The following SFXN5 variants were observed in gnomAD, a reference collection of about 807,000 sequenced individuals.
SFXN5 encodes the protein sideroflexin 5, also known as sideroflexin-5.
Under a neutral mutation model 50.2 loss-of-function variants are expected in SFXN5, and 43 were observed. That is an observed-to-expected ratio of 0.86 (90% confidence interval 0.67 to 1.11). The LOEUF (loss-of-function observed/expected upper bound fraction) is 1.11, where lower values mean the gene tolerates loss of function less well. Among genes scored for constraint, SFXN5 ranks in the 50% least tolerant of loss-of-function variants. SFXN5 has a pLI of 0.00. For missense variants in SFXN5, 463 were observed against 454.1 expected, an observed-to-expected ratio of 1.02 and a Z score of -0.18; for synonymous variants, 203 against 185.8, an observed-to-expected ratio of 1.09 and a Z score of -0.75.
intron 1 of SFXN5, among the ~76,000 whole-genome samples, chr2:73,060,742 C>T (rs13393567): frequency 0.31 from 46,539 of 150,202 alleles, 8,525 homozygotes; most frequent in East Asian, 0.55. Context: ...AACTCTGTTG[C>T]CCAGGCTGGA....
chr2:73,006,061 A>G (rs1490949138), intron 6 of SFXN5, among the ~76,000 whole-genome samples: 2 of 152,188 alleles, frequency 1.3e-5, no homozygotes, highest in African/African-American at 2.4e-5. Context: ...TCTGACTGAC[A>G]GCACGTGGGA....
chr2:72,961,220 G>A lies in SFXN5; in HGVS notation c.856C>T (p.Leu286=). The stretch of plus-strand genomic sequence containing the variant: ...ACGAGGCTTTGCACAGGGAGGAGCA[G>A]CCGGGGGCGTGCCTGCAGGAGAGCC... ...KTALLQARPR[L]LLPVQSLVCL... The change falls in exon 13 of 14, where the codon CTG becomes TTG. Residue 286 remains leucine, a synonymous_variant. Coordinates refer to ENST00000272433, the MANE Select transcript of SFXN5 (RefSeq NM_144579.3). The surrounding 1 kb of genome is among the most constrained non-coding windows in gnomAD (Gnocchi z 4.4). 1 of 1,541,328 alleles carries A rather than the reference G, an allele frequency of 6.5e-7. No individual in the cohort carries two copies. Among genetic ancestry groups the A allele is most frequent in the Non-Finnish European group, 8.7e-7 (1 of 1,151,010 alleles).
chr2:72,953,634 A>G lies in SFXN5; in HGVS notation c.945+7497T>C, dbSNP rs2105342651. ...AAGGTCTACTGTCCTAAGGGGGAAG[A>G]TGGAACACAGAAAACACACCACCAG... On this transcript the variant is annotated intron_variant, in intron 13 of 13. Coordinates refer to ENST00000272433, the MANE Select transcript of SFXN5 (RefSeq NM_144579.3). This position sits in a 1 kb window ranked among gnomAD's most constrained non-coding sequence, Gnocchi z 4.1. Among the ~76,000 whole-genome samples the G allele has an allele frequency of 6.9e-6, 1 of 144,016 alleles. No homozygotes were observed. Among genetic ancestry groups the G allele is most frequent in the South Asian group, 2.2e-4 (1 of 4,516 alleles). 94.5% of individuals were successfully genotyped at this position (144,016 alleles called of 152,430 possible).
chr2:72,972,465 C>A (rs1310022151), intron 10 of SFXN5, among the ~76,000 whole-genome samples: 1 of 152,200 alleles, frequency 6.6e-6, no homozygotes, highest in Non-Finnish European at 1.5e-5. Flanking sequence ...ATCTTGGGAA[C>A]CTGGGCTAAG....
chr2:73,046,061 C>CA (rs1680280424), intron 2 of SFXN5, among the ~76,000 whole-genome samples: 2 of 116,594 alleles, frequency 1.7e-5, no homozygotes, highest in African/African-American at 1.1e-4. Flanking sequence ...AACTTTAAGC[C>CA]TGGCTACCCT....
intron 3 of SFXN5, among the ~76,000 whole-genome samples, chr2:73,033,148 T>C (rs977555375): frequency 6.6e-6 from 1 of 152,214 alleles, no homozygotes; most frequent in Non-Finnish European, 1.5e-5. Context: ...ATTTGTAATA[T>C]GAGGATGTGA....
chr2:72,987,260 C>T (rs1334279091), intron 10 of SFXN5, among the ~76,000 whole-genome samples: 2 of 151,780 alleles, frequency 1.3e-5, no homozygotes, highest in Non-Finnish European at 1.5e-5. Context: ...CAGGCATGCA[C>T]CACCACACCC....
chr2:72,990,542 G>A (rs1226711832), intron 9 of SFXN5, among the ~76,000 whole-genome samples: 1 of 152,186 alleles, frequency 6.6e-6, no homozygotes, highest in Non-Finnish European at 1.5e-5. Flanking sequence ...AGAACTCAGT[G>A]AGCACTTCCT....
chr2:73,024,820 T>C (rs1157181473), intron 3 of SFXN5, among the ~76,000 whole-genome samples: 7 of 152,220 alleles, frequency 4.6e-5, no homozygotes, highest in Non-Finnish European at 1.0e-4. Flanking sequence ...GTTGGTCATC[T>C]GGAACATAAA....
intron 3 of SFXN5, 143 bp downstream of exon 3, chr2:73,040,711 A>G (rs1679507644): frequency 5.0e-6 from 3 of 594,582 alleles, no homozygotes; most frequent in African/African-American, 3.7e-5. Context: ...GCATCTCCAA[A>G]GAGCTTTTAG....
intron 10 of SFXN5, among the ~76,000 whole-genome samples, chr2:72,979,199 G>A (rs752283053): frequency 1.3e-5 from 2 of 152,160 alleles, no homozygotes; most frequent in Non-Finnish European, 2.9e-5. Context: ...AACCTAAATG[G>A]TAAGCATACA....
At chr2:73,010,097 A>C (rs1675305218) in intron 6 of SFXN5, among the ~76,000 whole-genome samples, 1 of 152,222 alleles carries the variant, frequency 6.6e-6, no homozygotes. Flanking sequence ...TGTTGATGGA[A>C]TATTTATAAA....
At chr2:73,022,179 T>C (rs920194265) in intron 5 of SFXN5, among the ~76,000 whole-genome samples, 1 of 152,146 alleles carries the variant, frequency 6.6e-6, no homozygotes, top group Non-Finnish European at 1.5e-5. Context: ...GGGAATGACT[T>C]GCAGAAGCCA....
chr2:72,986,421 C>T (rs954351644), intron 10 of SFXN5, among the ~76,000 whole-genome samples: 3 of 152,082 alleles, frequency 2.0e-5, no homozygotes, highest in African/African-American at 4.8e-5. Flanking sequence ...TACTGGTACC[C>T]GCCTTTTACA....
rs1015442525 is a variant in SFXN5 at position 73,058,585 on chromosome 2, A to G, written c.114T>C (p.Tyr38=). 6.2e-7 allele frequency: 1 copy of G among 1,614,156 alleles called. No individual in the cohort carries two copies. Among genetic ancestry groups the G allele is most frequent in the Non-Finnish European group, 8.5e-7 (1 of 1,179,988 alleles). The change falls in exon 2 of 14, where the codon TAT becomes TAC. Residue 38 remains tyrosine, a synonymous_variant. Transcript: ENST00000272433. ...TATCCAAGAAGTGCCTGAAGCGGCC[A>G]TAGAAGGACGTCTGAAGAAGAGGAT... ...GKPRFQQTSF[Y]GRFRHFLDII...
intron 10 of SFXN5, among the ~76,000 whole-genome samples, chr2:72,985,047 A>G (rs1351188615): frequency 6.6e-6 from 1 of 152,132 alleles, no homozygotes; most frequent in East Asian, 1.9e-4. Flanking sequence ...AAGCCTCTTC[A>G]GGACCCCCAT....
At position 73,059,639 on chromosome 2, in the gene SFXN5, C is replaced by A. The variant is rs1322682535; in HGVS notation, c.103-1043G>T. 63 of 877,388 alleles carry A rather than the reference C, an allele frequency of 7.2e-5. 2 individuals are homozygous for A. The East Asian group carries it at 9.0e-4, about 12-fold the overall frequency. The allele number at this position is 877,388 out of a possible 1,614,324, so 54.4% of individuals were successfully genotyped here. On this transcript the variant is annotated intron_variant, in intron 1 of 13. Coordinates refer to ENST00000272433, the MANE Select transcript of SFXN5 (RefSeq NM_144579.3). Reference sequence around the variant, plus strand: ...CCCACCATGGCACCCCTGCATGAAGCAACCTCTAACCCCTAATGCCACCCC... The same window carrying A: ...CCCACCATGGCACCCCTGCATGAAGAAACCTCTAACCCCTAATGCCACCCC...
intron 6 of SFXN5, among the ~76,000 whole-genome samples, chr2:73,002,663 T>G (rs1674049871): frequency 6.6e-6 from 1 of 151,046 alleles, no homozygotes; most frequent in South Asian, 2.1e-4. Context: ...CATTAAAATG[T>G]TTTAAAACAG....
chr2:73,052,339 AGTGT>A (rs3043005), intron 2 of SFXN5, among the ~76,000 whole-genome samples: 29 of 147,168 alleles, frequency 2.0e-4, no homozygotes, highest in African/African-American at 6.2e-4. Flanking sequence ...TAAGAGAGAG[AGTGT>A]GTGTGTGTGT....
Sources: gnomAD v4.1 joint callset for allele counts (sites outside exome capture counted in the v4.1 genomes callset) on GRCh38, gnomAD v4.1.1 for gene constraint, Gnocchi (gnomAD v3.1) non-coding constraint, MANE v1.5 for transcripts, NCBI Gene and HGNC (gene_info 2026-07-23, HGNC 2026-07-21) for gene names.